The following WDTC1 variants were observed in gnomAD, a reference collection of about 807,000 sequenced individuals.
WDTC1 encodes WD and tetratricopeptide repeats protein 1.
Under a neutral mutation model 76.0 loss-of-function variants are expected in WDTC1, and 12 were observed. The observed-to-expected ratio is 0.16, with a 90% CI of 0.10 to 0.26. The LOEUF (loss-of-function observed/expected upper bound fraction) is 0.26, where lower values mean the gene tolerates loss of function less well. Among genes scored for constraint, WDTC1 ranks in the 10% least tolerant of loss-of-function variants. The probability of loss-of-function intolerance (pLI) is 1.00; values close to 1 mark genes in which losing one functional copy is unlikely to be tolerated. For missense variants in WDTC1, 511 were observed against 908.8 expected (o/e 0.56, Z 5.63); for synonymous variants, 326 against 350.8 (o/e 0.93, Z 0.79).
intron 5 of WDTC1, among the ~76,000 whole-genome samples, chr1:27,285,712 G>A (rs1433084639): frequency 1.3e-5 from 2 of 150,088 alleles, no homozygotes; most frequent in East Asian, 2.0e-4. Context: ...TCAGCCTCCC[G>A]AGTAGCTGGG....
intron 3 of WDTC1, among the ~76,000 whole-genome samples, chr1:27,280,574 T>C (rs910718944): frequency 6.6e-6 from 1 of 152,270 alleles, no homozygotes; most frequent in African/African-American, 2.4e-5. Context: ...AAATCTTGCT[T>C]GTTCAGACTC....
chr1:27,260,036 C>T (rs1225883030), intron 1 of WDTC1, among the ~76,000 whole-genome samples: 1 of 151,712 alleles, frequency 6.6e-6, no homozygotes, highest in Non-Finnish European at 1.5e-5. Context: ...GACCCTGTCT[C>T]AGGAAAAAAA....
chr1:27,248,616 T>C (rs1305359017), intron 1 of WDTC1, among the ~76,000 whole-genome samples: 2 of 152,206 alleles, frequency 1.3e-5, no homozygotes, highest in Admixed American at 6.6e-5. Flanking sequence ...TGATACACTT[T>C]AAAATGATTA....
intron 1 of WDTC1, among the ~76,000 whole-genome samples, chr1:27,259,714 G>C (rs1278737820): frequency 1.3e-5 from 2 of 151,960 alleles, no homozygotes; most frequent in African/African-American, 4.8e-5. Flanking sequence ...ACAGGAACAG[G>C]TTGCTTCAAC....
chr1:27,287,568 C>A (rs534437452), intron 5 of WDTC1, 106 bp from the exon 6 acceptor site: 1 of 1,310,924 alleles, frequency 7.6e-7, no homozygotes, highest in Non-Finnish European at 1.0e-6. Flanking sequence ...GGCTCATTCT[C>A]TTATCTGACA....
chr1:27,237,574 G>A (rs548085811), intron 1 of WDTC1, among the ~76,000 whole-genome samples: 13 of 152,264 alleles, frequency 8.5e-5, no homozygotes, highest in African/African-American at 3.1e-4. Flanking sequence ...TCCTGGCTGA[G>A]CGCGGTGGCT....
Position 27,306,612 on chromosome 1 carries a change from G to C in WDTC1, c.*229G>C. 1.7e-6 allele frequency: 1 copy of C among 596,688 alleles called. No individual in the cohort carries two copies. The highest frequency in any genetic ancestry group is 3.1e-5 in the Admixed American group (1 of 32,740). 37.0% of individuals were successfully genotyped at this position (596,688 alleles called of 1,614,324 possible). On this transcript the variant is annotated 3_prime_UTR_variant, in exon 16 of 16. Transcript: ENST00000319394. The surrounding 1 kb of genome is among the most constrained non-coding windows in gnomAD (Gnocchi z 5.0). The stretch of plus-strand genomic sequence containing the variant: ...CCCAGCCCTGAAAAAAAGAGCAGGA[G>C]GGGACACCCCTCCATATGCCCCCCC...
At chr1:27,241,058 G>T (rs2011618893) in intron 1 of WDTC1, among the ~76,000 whole-genome samples, 1 of 152,060 alleles carries the variant, frequency 6.6e-6, no homozygotes, top group Admixed American at 6.6e-5. Flanking sequence ...AGTGTCAGAG[G>T]CCCTGTGCAA....
intron 3 of WDTC1, among the ~76,000 whole-genome samples, chr1:27,278,023 A>AGT (rs1349930520): frequency 6.6e-6 from 1 of 151,794 alleles, no homozygotes; most frequent in African/African-American, 2.4e-5. Flanking sequence ...TTTGTGTTTT[A>AGT]GTAGAGATGG....
In WDTC1 at chr1:27,298,756, GC is replaced by G. The variant is rs372881597; in HGVS notation, c.1232+652del. Among the ~76,000 whole-genome samples the G allele has an allele frequency of 5.2e-3, 461 of 88,074 alleles. 4 individuals carry two copies. The highest frequency in any genetic ancestry group is 0.016 in the African/African-American group (373 of 23,324). The allele number at this position is 88,074 out of a possible 152,430, so 57.8% of individuals were successfully genotyped here. A position where few individuals can be genotyped will look rare whatever the true frequency, so the allele number is the denominator to read the frequency against. On this transcript the variant is annotated intron_variant, in intron 12 of 15. Transcript: ENST00000319394. ...GCAGGCAAGCAGACATGCAGACCCC[GC>G]CCCCCCATCCCCCAGCCAGGGCCAG...
At chr1:27,300,215 C>CT (rs1431657063) in intron 12 of WDTC1, among the ~76,000 whole-genome samples, 1 of 152,112 alleles carries the variant, frequency 6.6e-6, no homozygotes, top group Non-Finnish European at 1.5e-5. Context: ...TCAGGCCTGC[C>CT]TTAGCCATGC....
rs777702138 is a variant in WDTC1, at chr1:27,298,109, G to A, written c.1230G>A (p.Lys410=). The change falls in exon 12 of 16, where the codon AAG becomes AAA. Residue 410 remains lysine (K), a splice_region_variant and synonymous_variant. Transcript: ENST00000319394. Reference sequence around the variant, plus strand: ...GAGCAGCAGCCTACATGAAGCGCAAGTGGTGAGTGGCCACTGCAGAGGGGA... The same window carrying A: ...GAGCAGCAGCCTACATGAAGCGCAAATGGTGAGTGGCCACTGCAGAGGGGA... ...GNRAAAYMKR[K]WDGDHYDALR... 3.7e-6 allele frequency: 6 copies of A among 1,604,686 alleles called. No homozygotes were observed. The South Asian group carries it at 5.5e-5, about 15-fold the overall frequency.
At chr1:27,253,896 C>T (rs1225184784) in intron 1 of WDTC1, among the ~76,000 whole-genome samples, 2 of 152,094 alleles carry the variant, frequency 1.3e-5, no homozygotes, top group Non-Finnish European at 2.9e-5. Context: ...GCTCAAAGCC[C>T]TCCTTAAAAT....
rs905787782 is a variant in WDTC1 at position 27,301,811 on chromosome 1, C to T, written c.1468+350C>T. On this transcript the variant is annotated intron_variant, in intron 13 of 15. Transcript: ENST00000319394. This position sits in a 1 kb window ranked among gnomAD's most constrained non-coding sequence, Gnocchi z 5.8. ...CTTAGACAGGGCCCTGGTGGTTCCA[C>T]TTGGGCATCTGAGAGGCAGAAGCTG... 3.3e-5 allele frequency among the ~76,000 whole-genome samples: 5 copies of T among 152,222 alleles called. No homozygotes were observed. The highest frequency in any genetic ancestry group is 1.2e-4 in the African/African-American group (5 of 41,450).
At chr1:27,239,517 CAAAA>C (rs1165446864) in intron 1 of WDTC1, among the ~76,000 whole-genome samples, 3 of 40,566 alleles carry the variant, frequency 7.4e-5, no homozygotes, top group Admixed American at 2.9e-4. Flanking sequence ...GACCCTGTCT[CAAAA>C]AAAAAAAAAA....
At chr1:27,237,257 G>A (rs2011509617) in intron 1 of WDTC1, among the ~76,000 whole-genome samples, 1 of 152,114 alleles carries the variant, frequency 6.6e-6, no homozygotes, top group African/African-American at 2.4e-5. Flanking sequence ...CTACAGACAC[G>A]GCCTCCGTGA....
At chr1:27,287,544 G>T in intron 5 of WDTC1, 130 bp from the exon 6 acceptor site, 1 of 1,055,310 alleles carries the variant, frequency 9.5e-7, no homozygotes, top group Non-Finnish European at 1.4e-6. Flanking sequence ...GAGCCACCGC[G>T]CCCAGCCTGC....
intron 1 of WDTC1, among the ~76,000 whole-genome samples, chr1:27,237,578 G>C (rs1228240445): frequency 6.6e-6 from 1 of 152,074 alleles, no homozygotes; most frequent in Non-Finnish European, 1.5e-5. Flanking sequence ...GGCTGAGCGC[G>C]GTGGCTCACG....
At position 27,306,144 on chromosome 1, in the gene WDTC1, C is replaced by T. The variant is rs780961570; in HGVS notation, c.1837-42C>T. 3 of 1,611,498 alleles carry T rather than the reference C, an allele frequency of 1.9e-6. No individual in the cohort carries two copies. The highest frequency in any genetic ancestry group is 4.5e-5 in the East Asian group (2 of 44,844). ...CTATACGTGTACCCTGGTGCCTCTC[C>T]CTCCCTGAGCCCCACGTGTGTCACC... On this transcript the variant is annotated intron_variant, in intron 15 of 15. Transcript: ENST00000319394. This position sits in a 1 kb window ranked among gnomAD's most constrained non-coding sequence, Gnocchi z 5.0.
Sources: gnomAD v4.1 joint callset for allele counts (sites outside exome capture counted in the v4.1 genomes callset) on GRCh38, gnomAD v4.1.1 for gene constraint, Gnocchi (gnomAD v3.1) non-coding constraint, MANE v1.5 for transcripts, NCBI Gene and HGNC (gene_info 2026-07-23, HGNC 2026-07-21) for gene names.